The following RBMS3 variants were observed in gnomAD, a reference collection of about 807,000 sequenced individuals.
RBMS3 encodes the protein RNA binding motif single stranded interacting protein 3.
RBMS3 carries 27 observed loss-of-function variants against 66.8 expected under a neutral mutation model. The ratio of observed to expected loss-of-function variants is 0.40; its 90% CI spans 0.30 to 0.56. The LOEUF (loss-of-function observed/expected upper bound fraction) is 0.56. RBMS3 is among the 20% of genes least tolerant of loss of function. The pLI, the probability that RBMS3 is intolerant of heterozygous loss-of-function variation, is 0.40. For missense variants in RBMS3, 513 were observed against 549.5 expected (o/e 0.93, Z 0.66); for synonymous variants, 188 against 183.0 (o/e 1.03, Z -0.22).
intron 2 of RBMS3, among the ~76,000 whole-genome samples, chr3:29,471,655 A>G (rs1035051555): frequency 2.6e-5 from 4 of 151,274 alleles, no homozygotes; most frequent in Non-Finnish European, 5.9e-5. Context: ...TACAGCTTAT[A>G]TACTATGCAT....
intron 6 of RBMS3, among the ~76,000 whole-genome samples, chr3:29,809,170 TGA>T (rs995817210): frequency 2.3e-4 from 35 of 151,942 alleles, no homozygotes; most frequent in South Asian, 8.3e-4. Context: ...AAGAGTTTAA[TGA>T]CATGTTATAA....
At chr3:29,506,206 G>A (rs2044174830) in intron 3 of RBMS3, among the ~76,000 whole-genome samples, 1 of 151,948 alleles carries the variant, frequency 6.6e-6, no homozygotes, top group Non-Finnish European at 1.5e-5. Context: ...TGAGATATTA[G>A]CTATGGTCCA....
At chr3:29,743,139 G>T (rs1283111225) in intron 5 of RBMS3, among the ~76,000 whole-genome samples, 1 of 152,168 alleles carries the variant, frequency 6.6e-6, no homozygotes, top group Non-Finnish European at 1.5e-5. Flanking sequence ...ACCATAAATA[G>T]ATCTGCCCAA....
chr3:29,583,106 C>G (rs1037090082), intron 3 of RBMS3, among the ~76,000 whole-genome samples: 1 of 152,100 alleles, frequency 6.6e-6, no homozygotes, highest in Non-Finnish European at 1.5e-5. Context: ...CAGAATGACT[C>G]TTTATAAGTA....
chr3:29,763,526 A>G (rs2055788328), intron 6 of RBMS3, among the ~76,000 whole-genome samples: 1 of 152,070 alleles, frequency 6.6e-6, no homozygotes, highest in Non-Finnish European at 1.5e-5. Context: ...TTTAGAAAAT[A>G]CTGTCTATTT....
chr3:29,515,063 C>T (rs1000110690), intron 3 of RBMS3, among the ~76,000 whole-genome samples: 7 of 152,064 alleles, frequency 4.6e-5, no homozygotes, highest in Non-Finnish European at 8.8e-5. Flanking sequence ...AATATATGCT[C>T]TTAAGTACTA....
chr3:29,826,008 A>G (rs2058202100), intron 6 of RBMS3, among the ~76,000 whole-genome samples: 1 of 152,204 alleles, frequency 6.6e-6, no homozygotes, highest in African/African-American at 2.4e-5. Context: ...TTGTCATGAT[A>G]ATAAATGATT....
At chr3:29,723,310 A>C (rs1031775593) in intron 4 of RBMS3, among the ~76,000 whole-genome samples, 1 of 152,154 alleles carries the variant, frequency 6.6e-6, no homozygotes, top group Admixed American at 6.6e-5. Context: ...TGATCGTTCT[A>C]GCCTAAATAA....
chr3:29,661,478 C>T (rs2050546003), intron 4 of RBMS3, among the ~76,000 whole-genome samples: 1 of 152,102 alleles, frequency 6.6e-6, no homozygotes, highest in South Asian at 2.1e-4. Flanking sequence ...GATCTCATTG[C>T]ACTATTTTTC....
intron 5 of RBMS3, among the ~76,000 whole-genome samples, chr3:29,761,452 T>C (rs1410475175): frequency 6.6e-6 from 1 of 152,078 alleles, no homozygotes; most frequent in Non-Finnish European, 1.5e-5. Context: ...ATGCTTGCTC[T>C]CTCTACCACA....
chr3:29,686,776 C>G (rs1452611876), intron 4 of RBMS3, among the ~76,000 whole-genome samples: 2 of 152,110 alleles, frequency 1.3e-5, no homozygotes, highest in Non-Finnish European at 2.9e-5. Context: ...CCTTATTTTC[C>G]TTTATCTTGG....
intron 4 of RBMS3, among the ~76,000 whole-genome samples, chr3:29,628,662 TTCA>T (rs146317825): frequency 0.013 from 2,046 of 152,230 alleles, 46 homozygotes; most frequent in African/African-American, 0.047. Flanking sequence ...GTTTCATATG[TTCA>T]TCATTATTTC....
chr3:29,711,978 C>G (rs964837548), intron 4 of RBMS3, among the ~76,000 whole-genome samples: 1 of 152,162 alleles, frequency 6.6e-6, no homozygotes, highest in Non-Finnish European at 1.5e-5. Flanking sequence ...AGACACTGTG[C>G]TTTTAAGTGA....
At chr3:29,972,566 C>CCA (rs1553711070) in intron 12 of RBMS3, among the ~76,000 whole-genome samples, 5 of 75,572 alleles carry the variant, frequency 6.6e-5, no homozygotes, top group South Asian at 8.7e-4. Flanking sequence ...AATCTCTTGA[C>CCA]TAAAAAAACA....
intron 6 of RBMS3, among the ~76,000 whole-genome samples, chr3:29,849,606 T>A (rs555010638): frequency 6.6e-6 from 1 of 152,226 alleles, no homozygotes; most frequent in East Asian, 1.9e-4. Context: ...ATGCTGCACA[T>A]TCTCTTTCAA....
At chr3:29,954,526 C>A (rs1695895118) in intron 12 of RBMS3, among the ~76,000 whole-genome samples, 1 of 151,982 alleles carries the variant, frequency 6.6e-6, no homozygotes, top group African/African-American at 2.4e-5. Context: ...TATAGCTCTT[C>A]TCTTTGGGGT....
At position 29,869,472 on chromosome 3, in the gene RBMS3, C is replaced by T. The variant is rs549972890; in HGVS notation, c.744+508C>T. Reference sequence around the variant, plus strand: ...TGATATCTGTTTATATATGTATATACACACACACACACACATATATAAAAT... The same window carrying T: ...TGATATCTGTTTATATATGTATATATACACACACACACACATATATAAAAT... On this transcript the variant is annotated intron_variant, in intron 7 of 14. Transcript: ENST00000383767. Among the ~76,000 whole-genome samples, 25 of 150,820 alleles carry T rather than the reference C, an allele frequency of 1.7e-4. No homozygotes were observed. In the South Asian group the frequency reaches 2.9e-3, roughly 18 times the overall value.
rs753408546 is a variant in RBMS3 at position 30,008,390 on chromosome 3, CAAGTA to C, written c.*4532_*4536del. 1.4e-4 allele frequency: 21 copies of C among 152,028 alleles called. No homozygotes were observed. The highest frequency in any genetic ancestry group is 2.5e-4 in the Non-Finnish European group (17 of 67,956). The allele number at this position is 152,028 out of a possible 1,614,324, so 9.4% of individuals were successfully genotyped here. A position where few individuals can be genotyped will look rare whatever the true frequency, so the allele number is the denominator to read the frequency against. ...AATGTTTTTTTATATGATTTGAAAT[CAAGTA>C]AAGGGACAATGTTTATGTACGTGTA... On this transcript the variant is annotated 3_prime_UTR_variant, in exon 15 of 15. Coordinates refer to ENST00000383767, the MANE Select transcript of RBMS3 (RefSeq NM_001003793.3).
chr3:29,417,253 A>G (rs915389849), intron 1 of RBMS3, among the ~76,000 whole-genome samples: 6 of 151,936 alleles, frequency 3.9e-5, no homozygotes, highest in Non-Finnish European at 5.9e-5. Context: ...AAGTAATTTT[A>G]TATTTATAAA....
Sources: gnomAD v4.1 joint callset for allele counts (sites outside exome capture counted in the v4.1 genomes callset) on GRCh38, gnomAD v4.1.1 for gene constraint, MANE v1.5 for transcripts, NCBI Gene and HGNC (gene_info 2026-07-23, HGNC 2026-07-21) for gene names.